The following RNF111 variants were observed in gnomAD, a reference collection of about 807,000 sequenced individuals.
RNF111 encodes the protein E3 ubiquitin-protein ligase Arkadia.
A neutral mutation model predicts 95.1 loss-of-function variants in RNF111; 17 were observed. That is an observed-to-expected ratio of 0.18 (90% CI 0.12 to 0.27). The LOEUF (loss-of-function observed/expected upper bound fraction) is 0.27. Ranked by LOEUF, RNF111 falls within the 10% of genes least tolerant of loss-of-function variation. The pLI is 1.00. For missense variants in RNF111, 1,189 were observed against 1,210.4 expected, an observed-to-expected ratio of 0.98 and a Z score of 0.26; for synonymous variants, 440 against 414.8, an observed-to-expected ratio of 1.06 and a Z score of -0.74.
At chr15:59,055,583 A>G (rs1434295438) in intron 3 of RNF111, 99 bp from the exon 4 acceptor site, 3 of 904,926 alleles carry the variant, frequency 3.3e-6, no homozygotes, top group East Asian at 5.7e-5. Flanking sequence ...GAAATCTTGT[A>G]TGAAAAACTT....
At chr15:59,008,384 G>T (rs1431818775) in intron 1 of RNF111, among the ~76,000 whole-genome samples, 1 of 151,732 alleles carries the variant, frequency 6.6e-6, no homozygotes, top group Non-Finnish European at 1.5e-5. Context: ...TGCCTGACTA[G>T]TTTTAAAATT....
At chr15:59,066,542 G>A (rs1367235528) in intron 5 of RNF111, among the ~76,000 whole-genome samples, 1 of 152,160 alleles carries the variant, frequency 6.6e-6, no homozygotes, top group Admixed American at 6.5e-5. Flanking sequence ...CCCAGGAGGC[G>A]GAGGTTTGGT....
Position 59,081,235 on chromosome 15 carries a change from G to T in RNF111, c.2248G>T (p.Val750Leu). The change falls in exon 8 of 14, where the codon GTG becomes TTG. Residue 750 changes from valine to leucine, a missense_variant. Physicochemically the swap from Val to Leu is conservative, Grantham distance 32 (BLOSUM62 1). Transcript: ENST00000348370. ...PPAQRLHPHE[V>L]MQRMEVQRRR... ...AGCACAGAGACTGCATCCTCATGAAGTGATGCAGAGGATGGAAGTTCAAAG... is the reference window on the plus strand; with the variant it reads ...AGCACAGAGACTGCATCCTCATGAATTGATGCAGAGGATGGAAGTTCAAAG... The T allele has an allele frequency of 6.2e-7, 1 of 1,614,166 alleles. No homozygotes were observed.
chr15:59,093,836 T>C (rs2079124973), intron 13 of RNF111, among the ~76,000 whole-genome samples: 1 of 152,204 alleles, frequency 6.6e-6, no homozygotes, highest in Non-Finnish European at 1.5e-5. Flanking sequence ...ATAAGGTTTT[T>C]TGCACACTGT....
intron 1 of RNF111, among the ~76,000 whole-genome samples, chr15:58,997,715 C>G (rs1222511600): frequency 1.3e-5 from 2 of 150,648 alleles, no homozygotes; most frequent in African/African-American, 4.9e-5. Context: ...ACTCGGGAGG[C>G]TGAGGCAGGA....
intron 3 of RNF111, among the ~76,000 whole-genome samples, chr15:59,055,221 C>G (rs1225084042): frequency 1.3e-5 from 2 of 152,032 alleles, no homozygotes; most frequent in Non-Finnish European, 2.9e-5. Flanking sequence ...GTTTTGTTTT[C>G]TTTTATGGCA....
At chr15:59,083,250 A>G (rs1018481546) in intron 8 of RNF111, among the ~76,000 whole-genome samples, 6 of 152,204 alleles carry the variant, frequency 3.9e-5, no homozygotes, top group African/African-American at 1.4e-4. Flanking sequence ...GATGCAAAAT[A>G]AAGAGTATGA....
chr15:59,085,561 A>G (rs2078873722), intron 9 of RNF111, 98 bp from the exon 10 acceptor site: 2 of 1,033,374 alleles, frequency 1.9e-6, no homozygotes, highest in African/African-American at 3.3e-5. Flanking sequence ...AAGTTAAGAA[A>G]CCTTAGATTA....
intron 2 of RNF111, among the ~76,000 whole-genome samples, chr15:59,040,241 G>C (rs1365021064): frequency 1.3e-5 from 2 of 151,928 alleles, no homozygotes; most frequent in African/African-American, 4.8e-5. Context: ...TCAGCCTTCT[G>C]AGTACTTGGG....
chr15:59,084,398 A>G, intron 9 of RNF111, 144 bp downstream of exon 9: 1 of 766,714 alleles, frequency 1.3e-6, no homozygotes, highest in Admixed American at 3.8e-5. Flanking sequence ...GCCTCTGGGC[A>G]GATAGAGGTT....
At chr15:59,034,845 G>A (rs1355489884) in intron 2 of RNF111, among the ~76,000 whole-genome samples, 2 of 152,194 alleles carry the variant, frequency 1.3e-5, no homozygotes, top group African/African-American at 4.8e-5. Flanking sequence ...ATGTTAATAT[G>A]ATTTGTATGG....
At chr15:59,033,592 G>A (rs985840300) in intron 2 of RNF111, among the ~76,000 whole-genome samples, 2 of 152,184 alleles carry the variant, frequency 1.3e-5, no homozygotes, top group Non-Finnish European at 2.9e-5. Context: ...GTTTGTGCTC[G>A]AAGTCAGTGA....
intron 2 of RNF111, among the ~76,000 whole-genome samples, chr15:59,044,667 C>G (rs571329131): frequency 3.8e-4 from 58 of 152,114 alleles, no homozygotes; most frequent in African/African-American, 1.3e-3. Flanking sequence ...CTACCACTGT[C>G]TTAGCCATAC....
At chr15:59,004,681 A>G (rs1017323086) in intron 1 of RNF111, among the ~76,000 whole-genome samples, 1 of 152,228 alleles carries the variant, frequency 6.6e-6, no homozygotes, top group Admixed American at 6.5e-5. Flanking sequence ...CAAAAATGGC[A>G]TTTAGTCAAA....
intron 2 of RNF111, among the ~76,000 whole-genome samples, chr15:59,034,354 C>T (rs538476504): frequency 3.3e-5 from 5 of 152,302 alleles, no homozygotes; most frequent in African/African-American, 1.2e-4. Flanking sequence ...ATGTTGTTGG[C>T]TGTTGTTACC....
chr15:59,069,782 AC>A (rs2042828164), intron 6 of RNF111, among the ~76,000 whole-genome samples: 1 of 152,102 alleles, frequency 6.6e-6, no homozygotes, highest in South Asian at 2.1e-4. Context: ...TTCACTTTAG[AC>A]CTATTTGGGT....
At chr15:59,032,179 T>C (rs1228994424) in intron 2 of RNF111, among the ~76,000 whole-genome samples, 1 of 152,218 alleles carries the variant, frequency 6.6e-6, no homozygotes, top group African/African-American at 2.4e-5. Flanking sequence ...TCTCAAATTA[T>C]CTGCCCACCT....
intron 13 of RNF111, among the ~76,000 whole-genome samples, chr15:59,094,141 T>A (rs1157946246): frequency 6.6e-6 from 1 of 152,172 alleles, no homozygotes; most frequent in African/African-American, 2.4e-5. Flanking sequence ...TCATTACATC[T>A]CCTTTTAACT....
chr15:59,031,224 T>C lies in RNF111; in HGVS notation c.402T>C (p.Phe134=). ...TPSDEDNDSS[F]SDCLSSPSSS... ...GTGATGAAGATAATGATTCCTCTTT[T>C]AGTGATTGTCTTTCTTCTCCTTCAT... The change falls in exon 2 of 14, where the codon TTT becomes TTC. Residue 134 remains phenylalanine, a synonymous_variant. Transcript: ENST00000348370. 6.2e-7 allele frequency: 1 copy of C among 1,614,210 alleles called. No homozygotes were observed. The highest frequency in any genetic ancestry group is 8.5e-7 in the Non-Finnish European group (1 of 1,180,032).
Sources: gnomAD v4.1 joint callset for allele counts (sites outside exome capture counted in the v4.1 genomes callset) on GRCh38, gnomAD v4.1.1 for gene constraint, MANE v1.5 for transcripts, NCBI Gene and HGNC (gene_info 2026-07-23, HGNC 2026-07-21) for gene names.